PDE4D: variants seen among roughly 807,000 people sequenced by gnomAD.
The protein encoded by PDE4D is phosphodiesterase 4D, also known as 3',5'-cyclic-AMP phosphodiesterase 4D.
In PDE4D, 24 loss-of-function variants were observed where a neutral mutation model predicts 87.4. The ratio of observed to expected loss-of-function variants is 0.27; its 90% CI spans 0.20 to 0.39. PDE4D has a LOEUF of 0.39. PDE4D is among the 10% of genes least tolerant of loss of function. The pLI is 1.00. For synonymous variants in PDE4D, 384 were observed against 383.2 expected (o/e 1.00, Z -0.02); for missense variants, 714 against 1,041.0 (o/e 0.69, Z 4.32).
intron 2 of PDE4D, among the ~76,000 whole-genome samples, chr5:60,108,944 G>T (rs1313022935): frequency 1.3e-5 from 2 of 152,148 alleles, no homozygotes; most frequent in East Asian, 3.8e-4. Flanking sequence ...CAGGACATAG[G>T]CATGGGCAAG....
intron 1 of PDE4D, among the ~76,000 whole-genome samples, chr5:59,677,105 T>C (rs1348846290): frequency 6.6e-6 from 1 of 151,668 alleles, no homozygotes; most frequent in East Asian, 1.9e-4. Context: ...ATCTTGTGAA[T>C]TGAAAAAAAA....
chr5:60,245,425 C>T (rs1040011944), intron 1 of PDE4D, among the ~76,000 whole-genome samples: 19 of 151,850 alleles, frequency 1.3e-4, no homozygotes, highest in African/African-American at 4.4e-4. Flanking sequence ...AGCAATCCCA[C>T]TCCTAGGTAT....
intron 1 of PDE4D, among the ~76,000 whole-genome samples, chr5:59,348,789 G>A (rs1224105900): frequency 6.6e-6 from 1 of 151,748 alleles, no homozygotes; most frequent in Non-Finnish European, 1.5e-5. Flanking sequence ...ACTATTACCA[G>A]CTAATGAATT....
At chr5:60,367,461 A>G (rs1760654981) in intron 1 of PDE4D, among the ~76,000 whole-genome samples, 1 of 152,010 alleles carries the variant, frequency 6.6e-6, no homozygotes, top group South Asian at 2.1e-4. Flanking sequence ...CAAAAAAAAA[A>G]AAAAATTATA....
chr5:59,355,859 C>A (rs2153589816), intron 1 of PDE4D, among the ~76,000 whole-genome samples: 1 of 152,190 alleles, frequency 6.6e-6, no homozygotes, highest in African/African-American at 2.4e-5. Context: ...TATATGCAGG[C>A]AAATCAGAAC....
intron 1 of PDE4D, among the ~76,000 whole-genome samples, chr5:59,244,574 GTATACACATATA>G (rs1214308693): frequency 6.8e-6 from 1 of 147,308 alleles, no homozygotes; most frequent in Non-Finnish European, 1.5e-5. Flanking sequence ...ACACACATAT[GTATACACATATA>G]TATATACATA....
rs146465803 is a variant in PDE4D at position 59,945,505 on chromosome 5, A to G, written c.272+42983T>C. Among the ~76,000 whole-genome samples, 1,366 of 152,302 alleles carry G rather than the reference A, an allele frequency of 9.0e-3. 20 individuals are homozygous for G. Among genetic ancestry groups the G allele is most frequent in the African/African-American group, 0.031 (1,287 of 41,548 alleles). On this transcript the variant is annotated intron_variant, in intron 3 of 16. Coordinates refer to the PDE4D transcript ENST00000502484. ...GAAGATCTAGGATCTTTTAATCTGA[A>G]AATATTTTATTTCTATACAGTGACT...
chr5:59,959,044 G>A (rs1759174880), intron 3 of PDE4D, among the ~76,000 whole-genome samples: 3 of 151,752 alleles, frequency 2.0e-5, no homozygotes, highest in African/African-American at 7.3e-5. Flanking sequence ...CTATATACCA[G>A]TGACATTCAA....
At chr5:59,349,528 AC>A (rs1780167216) in intron 1 of PDE4D, among the ~76,000 whole-genome samples, 1 of 152,170 alleles carries the variant, frequency 6.6e-6, no homozygotes, top group African/African-American at 2.4e-5. Flanking sequence ...CCACTTCATG[AC>A]TTAAGGACAA....
chr5:60,032,272 C>T (rs900081996), intron 2 of PDE4D, among the ~76,000 whole-genome samples: 3 of 152,172 alleles, frequency 2.0e-5, no homozygotes, highest in Non-Finnish European at 4.4e-5. Flanking sequence ...CCCCTTTAGA[C>T]TATGGTATGC....
At chr5:59,135,358 C>T (rs1561545496) in intron 5 of PDE4D, among the ~76,000 whole-genome samples, 1 of 152,178 alleles carries the variant, frequency 6.6e-6, no homozygotes, top group Non-Finnish European at 1.5e-5. Flanking sequence ...AAATTTTTAA[C>T]CTTTCAAACA....
At chr5:60,010,856 T>C (rs1561976346) in intron 2 of PDE4D, among the ~76,000 whole-genome samples, 1 of 152,172 alleles carries the variant, frequency 6.6e-6, no homozygotes, top group East Asian at 1.9e-4. Flanking sequence ...CAGTTATTGG[T>C]ATTATCTAAA....
At chr5:59,789,976 A>G (rs902873145) in intron 1 of PDE4D, among the ~76,000 whole-genome samples, 14 of 152,212 alleles carry the variant, frequency 9.2e-5, no homozygotes, top group African/African-American at 2.4e-4. Context: ...TTCTTTCTGT[A>G]CGTTTCTGCA....
At chr5:59,199,696 C>A (rs1198661899) in intron 2 of PDE4D, among the ~76,000 whole-genome samples, 1 of 151,902 alleles carries the variant, frequency 6.6e-6, no homozygotes, top group African/African-American at 2.4e-5. Context: ...TTTCTGGGAG[C>A]CTAGACTATT....
intron 2 of PDE4D, among the ~76,000 whole-genome samples, chr5:60,158,667 AT>A: frequency 6.6e-6 from 1 of 152,274 alleles, no homozygotes; most frequent in East Asian, 1.9e-4. Flanking sequence ...GGTTCACGCC[AT>A]TCTCCTGCCT....
chr5:60,159,637 C>T (rs1782301729), intron 2 of PDE4D, among the ~76,000 whole-genome samples: 1 of 152,116 alleles, frequency 6.6e-6, no homozygotes, highest in Admixed American at 6.5e-5. Flanking sequence ...ATGAAACTAC[C>T]ATGGTAGGCC....
intron 2 of PDE4D, among the ~76,000 whole-genome samples, chr5:60,067,070 G>T (rs1772186835): frequency 6.6e-6 from 1 of 151,984 alleles, no homozygotes; most frequent in Admixed American, 6.6e-5. Context: ...GTCCTCTCTG[G>T]ACACAGCTAA....
chr5:60,350,913 A>G (rs1291440038), intron 1 of PDE4D, among the ~76,000 whole-genome samples: 13 of 152,090 alleles, frequency 8.5e-5, no homozygotes, highest in Non-Finnish European at 5.9e-5. Flanking sequence ...ATAGGCATTT[A>G]TCTGAGAACA....
At chr5:60,438,041 C>G (rs1219265153) in intron 1 of PDE4D, among the ~76,000 whole-genome samples, 1 of 151,998 alleles carries the variant, frequency 6.6e-6, no homozygotes, top group Non-Finnish European at 1.5e-5. Flanking sequence ...GTGAAGTGAC[C>G]CTTGGTGAGG....
Sources: gnomAD v4.1 joint callset for allele counts (sites outside exome capture counted in the v4.1 genomes callset) on GRCh38, gnomAD v4.1.1 for gene constraint, MANE v1.5 for transcripts, NCBI Gene and HGNC (gene_info 2026-07-23, HGNC 2026-07-21) for gene names.